Variants in SNX9 observed in about 807,000 individuals in gnomAD.
SNX9 encodes the protein sorting nexin-9.
Under a neutral mutation model 89.4 loss-of-function variants are expected in SNX9, and 44 were observed. The observed-to-expected ratio is 0.49, with a 90% confidence interval of 0.39 to 0.63. The LOEUF (loss-of-function observed/expected upper bound fraction) is 0.63. Among genes scored for constraint, SNX9 ranks in the 30% least tolerant of loss-of-function variants. The pLI, the probability that SNX9 is intolerant of heterozygous loss-of-function variation, is 0.00. For missense variants in SNX9, 578 were observed against 736.1 expected (o/e 0.79, Z 2.49); for synonymous variants, 236 against 247.8 (o/e 0.95, Z 0.45).
chr6:157,864,143 G>C (rs766586867), intron 1 of SNX9, among the ~76,000 whole-genome samples: 1 of 152,160 alleles, frequency 6.6e-6, no homozygotes, highest in African/African-American at 2.4e-5. Flanking sequence ...GGTAGGGCCC[G>C]GCTCTGCTTC....
chr6:157,875,737 A>G (rs1181594698), intron 4 of SNX9, among the ~76,000 whole-genome samples: 1 of 152,240 alleles, frequency 6.6e-6, no homozygotes, highest in Non-Finnish European at 1.5e-5. Flanking sequence ...GAAATTTTAC[A>G]TTAATTTTAA....
intron 9 of SNX9, among the ~76,000 whole-genome samples, chr6:157,917,200 A>G (rs2115187665): frequency 1.3e-5 from 2 of 152,250 alleles, no homozygotes; most frequent in Admixed American, 1.3e-4. Context: ...TTGTACCTTT[A>G]AAGATGTTAG....
At chr6:157,857,484 T>C (rs1335297730) in intron 1 of SNX9, among the ~76,000 whole-genome samples, 1 of 152,206 alleles carries the variant, frequency 6.6e-6, no homozygotes, top group Non-Finnish European at 1.5e-5. Context: ...CTTTGACCCA[T>C]TATATGATTT....
At chr6:157,887,695 G>T (rs1022370674) in intron 4 of SNX9, among the ~76,000 whole-genome samples, 3 of 152,176 alleles carry the variant, frequency 2.0e-5, no homozygotes, top group Non-Finnish European at 4.4e-5. Flanking sequence ...TTCATTGGGA[G>T]CATAAACTGG....
chr6:157,889,424 CT>C (rs1322738183), intron 4 of SNX9, among the ~76,000 whole-genome samples: 1 of 135,978 alleles, frequency 7.4e-6, no homozygotes, highest in African/African-American at 3.0e-5. Context: ...GAGCAAGACC[CT>C]GTCTCAAAAA....
At chr6:157,845,689 C>T (rs775691120) in intron 1 of SNX9, among the ~76,000 whole-genome samples, 10 of 152,140 alleles carry the variant, frequency 6.6e-5, no homozygotes, top group South Asian at 2.1e-4. Flanking sequence ...AAAGCATAGA[C>T]GGCATTGGTG....
At chr6:157,938,784 GT>G (rs34533409) in intron 16 of SNX9, 37 bp downstream of exon 16, 40 of 1,495,714 alleles carry the variant, frequency 2.7e-5, no homozygotes, top group South Asian at 6.0e-5. Context: ...GCTGGTGGAA[GT>G]TTTTTTTTCC....
chr6:157,916,829 T>C (rs1030090704), intron 9 of SNX9, among the ~76,000 whole-genome samples: 1 of 152,236 alleles, frequency 6.6e-6, no homozygotes, highest in Non-Finnish European at 1.5e-5. Context: ...TTGCTAATAA[T>C]ATCTGGTTGA....
rs76729587 is a variant in SNX9, at chr6:157,922,755, A to G, written c.1080+1094A>G. 3.3e-5 allele frequency among the ~76,000 whole-genome samples: 5 copies of G among 152,354 alleles called. No individual in the cohort carries two copies. In the East Asian group the frequency reaches 5.8e-4, roughly 18 times the overall value. On this transcript the variant is annotated intron_variant, in intron 10 of 17. Coordinates refer to ENST00000392185, the MANE Select transcript of SNX9 (RefSeq NM_016224.5). ...TCACCATGTCTTTGTGAATTTGTGTATATCACAGGTCTCCTCACCATGTCT... is the reference window on the plus strand; with the variant it reads ...TCACCATGTCTTTGTGAATTTGTGTGTATCACAGGTCTCCTCACCATGTCT...
intron 9 of SNX9, among the ~76,000 whole-genome samples, chr6:157,914,807 A>G (rs894088230): frequency 6.6e-6 from 1 of 152,158 alleles, no homozygotes; most frequent in Non-Finnish European, 1.5e-5. Flanking sequence ...TCTTTTGCAT[A>G]ACAAAGGCTT....
intron 1 of SNX9, among the ~76,000 whole-genome samples, chr6:157,828,621 G>A (rs1484388700): frequency 2.0e-5 from 3 of 152,086 alleles, no homozygotes; most frequent in African/African-American, 4.8e-5. Context: ...AGTCTCCCAA[G>A]TAGCTGGGAC....
chr6:157,931,252 G>C (rs531774630), intron 12 of SNX9, among the ~76,000 whole-genome samples: 3 of 152,232 alleles, frequency 2.0e-5, no homozygotes, highest in African/African-American at 7.2e-5. Context: ...TACCACAGGG[G>C]TACAATTTAT....
chr6:157,841,601 T>C (rs1237055943), intron 1 of SNX9, among the ~76,000 whole-genome samples: 1 of 152,076 alleles, frequency 6.6e-6, no homozygotes, highest in Non-Finnish European at 1.5e-5. Context: ...AGGCTGTGTG[T>C]AGCTTTCCCA....
intron 1 of SNX9, among the ~76,000 whole-genome samples, chr6:157,840,448 T>C (rs183134133): frequency 6.6e-6 from 1 of 150,570 alleles, no homozygotes; most frequent in East Asian, 1.9e-4. Context: ...CTTTCTTTCC[T>C]TTCCTTCCTT....
Position 157,938,722 on chromosome 6 carries a change from C to A in SNX9, c.1623C>A (p.Val541=). The change falls in exon 16 of 18, where the codon GTC becomes GTA. Residue 541 remains valine (V), a synonymous_variant. Coordinates refer to ENST00000392185, the MANE Select transcript of SNX9 (RefSeq NM_016224.5). ...ACAAACAGAACATGGTGAAGAGAGT[C>A]AGCATCATGTCTTACGCGTTGCAAG... ...LQDKQNMVKR[V]SIMSYALQAE... 1.2e-6 allele frequency: 2 copies of A among 1,613,916 alleles called. No individual in the cohort carries two copies. Among genetic ancestry groups the A allele is most frequent in the Non-Finnish European group, 1.7e-6 (2 of 1,179,904 alleles).
In SNX9 at chr6:157,942,986, C is replaced by T. The variant is rs771485842; in HGVS notation, c.*148C>T. On this transcript the variant is annotated 3_prime_UTR_variant, in exon 18 of 18. Coordinates refer to ENST00000392185, the MANE Select transcript of SNX9 (RefSeq NM_016224.5). ...CAAAAAACTGCATTTATTTTATTAG[C>T]CACCCTAAATGCGTCAGTTATTTAG... The T allele has an allele frequency of 9.8e-4, 694 of 710,462 alleles. 5 individuals carry two copies. Among genetic ancestry groups the T allele is most frequent in the Non-Finnish European group, 1.3e-3 (569 of 443,506 alleles). The allele number at this position is 710,462 out of a possible 1,614,324, so 44.0% of individuals were successfully genotyped here.
intron 7 of SNX9, among the ~76,000 whole-genome samples, chr6:157,908,597 T>A (rs1437728786): frequency 2.0e-5 from 3 of 152,192 alleles, no homozygotes; most frequent in Non-Finnish European, 4.4e-5. Context: ...TCCAGAAGCC[T>A]GTACATGAGC....
intron 1 of SNX9, among the ~76,000 whole-genome samples, chr6:157,844,645 G>A (rs1309339641): frequency 6.9e-6 from 1 of 145,480 alleles, no homozygotes; most frequent in Non-Finnish European, 1.5e-5. Context: ...CCAGGCTGGA[G>A]TGCAGTGGTG....
chr6:157,842,878 A>G (rs987648990), intron 1 of SNX9, among the ~76,000 whole-genome samples: 7 of 152,160 alleles, frequency 4.6e-5, no homozygotes, highest in African/African-American at 1.7e-4. Flanking sequence ...TCTTGTAGTT[A>G]TTTTGTTAGT....
Sources: allele counts gnomAD v4.1 joint callset (sites outside exome capture counted in the v4.1 genomes callset), GRCh38; gene constraint gnomAD v4.1.1; transcripts MANE v1.5; gene names NCBI Gene and HGNC (gene_info 2026-07-23, HGNC 2026-07-21).